The following PDE6A variants were observed in gnomAD, a reference collection of about 807,000 sequenced individuals.
The protein encoded by PDE6A is rod cGMP-specific 3',5'-cyclic phosphodiesterase subunit alpha.
A neutral mutation model predicts 106.3 loss-of-function variants in PDE6A; 84 were observed. The ratio of observed to expected loss-of-function variants is 0.79; its 90% CI spans 0.66 to 0.95. The LOEUF is 0.95. Among genes scored for constraint, PDE6A ranks in the 40% least tolerant of loss-of-function variants. PDE6A has a pLI of 0.00. For synonymous variants in PDE6A, 394 were observed against 386.6 expected, an observed-to-expected ratio of 1.02 and a Z score of -0.23; for missense variants, 1,052 against 1,084.9, an observed-to-expected ratio of 0.97 and a Z score of 0.43.
At chr5:149,929,531 C>T (rs971090200) in intron 4 of PDE6A, among the ~76,000 whole-genome samples, 1 of 152,050 alleles carries the variant, frequency 6.6e-6, no homozygotes, top group East Asian at 1.9e-4. Context: ...GGCGTGAACC[C>T]GGGAGGTGGA....
Position 149,931,105 on chromosome 5 carries a change from TGTGG to T in PDE6A, c.777_780del (p.Phe259LeufsTer21). 6.2e-7 allele frequency: 1 copy of T among 1,614,168 alleles called. No individual in the cohort carries two copies. Among genetic ancestry groups the T allele is most frequent in the South Asian group, 1.1e-5 (1 of 91,086 alleles). ...AAAGCACGGACTGTGTACAGGGCTTTGTGGAACTGTCGTTCGATGTCCGTAAGTT... is the reference window on the plus strand; with the variant it reads ...AAAGCACGGACTGTGTACAGGGCTTTAACTGTCGTTCGATGTCCGTAAGTT... On this transcript the variant is annotated frameshift_variant, in exon 4 of 22. Coordinates refer to ENST00000255266, the MANE Select transcript of PDE6A (RefSeq NM_000440.3). LOFTEE classifies it high-confidence loss of function.
intron 4 of PDE6A, among the ~76,000 whole-genome samples, chr5:149,928,564 C>A (rs1469104988): frequency 6.6e-6 from 1 of 152,040 alleles, no homozygotes. Flanking sequence ...ATGCAACTGG[C>A]AGTGCGGTAG....
chr5:149,930,289 A>G (rs1753992857), intron 4 of PDE6A, among the ~76,000 whole-genome samples: 1 of 152,172 alleles, frequency 6.6e-6, no homozygotes, highest in South Asian at 2.1e-4. Context: ...CACTCAATCC[A>G]ATATATTTGG....
chr5:149,883,340 G>A, intron 17 of PDE6A, 89 bp downstream of exon 17: 1 of 863,000 alleles, frequency 1.2e-6, no homozygotes, highest in Non-Finnish European at 2.0e-6. Context: ...TAGTCCCAAG[G>A]CTTGTTGAGG....
intron 2 of PDE6A, 133 bp downstream of exon 2, chr5:149,934,432 CA>C: frequency 1.1e-6 from 1 of 870,798 alleles, no homozygotes; most frequent in East Asian, 2.4e-5. Flanking sequence ...CTGCCTCCCT[CA>C]GAGAACATCA....
intron 17 of PDE6A, among the ~76,000 whole-genome samples, chr5:149,871,545 C>A (rs145132489): frequency 6.6e-6 from 1 of 152,014 alleles, no homozygotes; most frequent in African/African-American, 2.4e-5. Context: ...GAAGGATCAT[C>A]TAGTGTGCAG....
At chr5:149,891,511 A>G (rs1017016810) in intron 13 of PDE6A, among the ~76,000 whole-genome samples, 2 of 152,082 alleles carry the variant, frequency 1.3e-5, no homozygotes, top group African/African-American at 4.8e-5. Context: ...GGTTTCAAGA[A>G]ATGTTTGGGG....
intron 13 of PDE6A, among the ~76,000 whole-genome samples, chr5:149,894,694 C>T (rs558539247): frequency 7.1e-5 from 10 of 140,514 alleles, no homozygotes; most frequent in South Asian, 7.0e-4. Context: ...TGCAGTGGCG[C>T]GATCTTGGCT....
At chr5:149,865,551 G>A (rs1458223523) in intron 20 of PDE6A, among the ~76,000 whole-genome samples, 3 of 152,210 alleles carry the variant, frequency 2.0e-5, no homozygotes, top group Admixed American at 6.5e-5. Context: ...AGATGCTCTT[G>A]TTGCCTTCTA....
intron 4 of PDE6A, among the ~76,000 whole-genome samples, chr5:149,929,023 A>G (rs772882717): frequency 6.6e-6 from 1 of 152,340 alleles, no homozygotes; most frequent in African/African-American, 2.4e-5. Context: ...AACCCTTGAT[A>G]CATTGCTGGT....
chr5:149,884,461 A>G lies in PDE6A; in HGVS notation c.2027+18T>C. On this transcript the variant is annotated intron_variant, in intron 16 of 21. Transcript: ENST00000255266. ...AATCATTGTTGCTTTTACTATTAGA[A>G]TGAGAAGATATACCAACTTGAAATA... is the stretch of plus-strand genomic sequence containing the variant. 1 of 1,515,898 alleles carries G rather than the reference A, an allele frequency of 6.6e-7. No homozygotes were observed. The highest frequency in any genetic ancestry group is 9.2e-7 in the Non-Finnish European group (1 of 1,090,568). 93.9% of individuals were successfully genotyped at this position (1,515,898 alleles called of 1,614,324 possible).
At chr5:149,918,044 C>T (rs1753605334) in intron 5 of PDE6A, among the ~76,000 whole-genome samples, 1 of 152,126 alleles carries the variant, frequency 6.6e-6, no homozygotes, top group Non-Finnish European at 1.5e-5. Flanking sequence ...TTTAGAAAAT[C>T]CATAAAGACC....
At position 149,944,698 on chromosome 5, in the gene PDE6A, T is replaced by C; in HGVS notation, c.-25A>G. ...TGGCTGGGAATCCCACTGGCTACTCTGTAGAAGGACTGGGACGGAGGCCTT... is the reference window on the plus strand; with the variant it reads ...TGGCTGGGAATCCCACTGGCTACTCCGTAGAAGGACTGGGACGGAGGCCTT... On this transcript the variant is annotated 5_prime_UTR_variant, in exon 1 of 22. Coordinates refer to ENST00000255266, the MANE Select transcript of PDE6A (RefSeq NM_000440.3). 1.3e-6 allele frequency: 2 copies of C among 1,577,044 alleles called. No individual in the cohort carries two copies. The highest frequency in any genetic ancestry group is 1.7e-6 in the Non-Finnish European group (2 of 1,158,598).
chr5:149,868,949 A>G (rs1458180609), intron 17 of PDE6A, among the ~76,000 whole-genome samples: 4 of 152,192 alleles, frequency 2.6e-5, no homozygotes, highest in Non-Finnish European at 4.4e-5. Flanking sequence ...CTCTCACCCA[A>G]AAAATTTAAA....
chr5:149,932,427 G>T, intron 3 of PDE6A: 1 of 1,385,388 alleles, frequency 7.2e-7, no homozygotes, highest in Non-Finnish European at 1.0e-6. Context: ...TTTAAAGGGA[G>T]TTGACTGAAT....
rs1193224601 is a variant in PDE6A at position 149,921,535 on chromosome 5, G to A, written c.933+100C>T. ...TTCAAAGGAGACAACCCAACGCAAA[G>A]ACAAATACCTATATGCTAATAAAAA... On this transcript the variant is annotated intron_variant, in intron 5 of 21. Coordinates refer to ENST00000255266, the MANE Select transcript of PDE6A (RefSeq NM_000440.3). 16 of 894,712 alleles carry A rather than the reference G, an allele frequency of 1.8e-5. 1 individual carries two copies. The highest frequency in any genetic ancestry group is 1.8e-6 in the Non-Finnish European group (1 of 546,214). The allele number at this position is 894,712 out of a possible 1,614,324, so 55.4% of individuals were successfully genotyped here.
intron 3 of PDE6A, chr5:149,932,738 G>T: frequency 7.6e-7 from 1 of 1,312,854 alleles, no homozygotes; most frequent in Non-Finnish European, 1.1e-6. Flanking sequence ...TTGCTGTTTG[G>T]CACTGTCGGC....
chr5:149,912,373 G>A (rs944157838), intron 6 of PDE6A, among the ~76,000 whole-genome samples: 1 of 152,122 alleles, frequency 6.6e-6, no homozygotes, highest in Non-Finnish European at 1.5e-5. Flanking sequence ...AGTGTGGATG[G>A]CATATACTGT....
rs1261317873 is a variant in PDE6A at position 149,863,225 on chromosome 5, GT to G, written c.2399del (p.Asp800AlafsTer21). The G allele has an allele frequency of 1.2e-6, 2 of 1,613,768 alleles. No individual in the cohort carries two copies. Among genetic ancestry groups the G allele is most frequent in the African/African-American group, 1.3e-5 (1 of 74,884 alleles). On this transcript the variant is annotated frameshift_variant, in exon 21 of 22. Coordinates refer to ENST00000255266, the MANE Select transcript of PDE6A (RefSeq NM_000440.3). LOFTEE classifies it high-confidence loss of function. The surrounding 1 kb of genome is among the most constrained non-coding windows in gnomAD (Gnocchi z 4.7). ...ACTCCTTGCGATTGTTGGTGATCCC[GT>G]CCAACATTGGGGTGATCTCCTCGTG... is the stretch of plus-strand genomic sequence containing the variant. ...RFHEEITPML[D>X]GITNNRKEWK...
Sources: allele counts gnomAD v4.1 joint callset (sites outside exome capture counted in the v4.1 genomes callset), GRCh38; gene constraint gnomAD v4.1.1; non-coding constraint Gnocchi (gnomAD v3.1); transcripts MANE v1.5; gene names NCBI Gene and HGNC (gene_info 2026-07-23, HGNC 2026-07-21).